Variants in ADISSP observed in about 807,000 individuals in gnomAD.
The protein encoded by ADISSP is adipose-secreted signaling protein.
chr20:3,760,553 G>A, the ADISSP span, among the ~76,000 whole-genome samples: 1 of 151,476 alleles, frequency 6.6e-6, no homozygotes, highest in Non-Finnish European at 1.5e-5. Flanking sequence ...CAGTTCTGGT[G>A]CTGCTGACCC....
At chr20:3,760,004 T>C in the ADISSP span, 1 of 1,607,362 alleles carries the variant, frequency 6.2e-7, no homozygotes, top group Non-Finnish European at 8.5e-7. Context: ...GTGCGGGCCC[T>C]ACCTGCAGCA....
the ADISSP span, among the ~76,000 whole-genome samples, chr20:3,758,867 C>T: frequency 1.3e-5 from 2 of 152,188 alleles, no homozygotes; most frequent in African/African-American, 4.8e-5. This position sits in a 1 kb window ranked among gnomAD's most constrained non-coding sequence, Gnocchi z 5.5. Context: ...ACCTGCCCCT[C>T]CCACAAAAAT....
the ADISSP span, among the ~76,000 whole-genome samples, chr20:3,760,557 CT>C: frequency 0.053 from 8,118 of 152,312 alleles, 294 homozygotes; most frequent in East Asian, 0.12. Flanking sequence ...TCTGGTGCTG[CT>C]GACCCCAAAG....
At chr20:3,756,719 A>G in the ADISSP span, among the ~76,000 whole-genome samples, 2 of 152,190 alleles carry the variant, frequency 1.3e-5, no homozygotes. Context: ...CAGGGGTACT[A>G]CTTATAGAAT....
the ADISSP span, chr20:3,754,352 C>T: frequency 1.9e-6 from 3 of 1,599,104 alleles, no homozygotes; most frequent in South Asian, 1.1e-5. Flanking sequence ...CCCTCGCAGT[C>T]GAGCTTGTGC....
At chr20:3,758,449 C>T in the ADISSP span, 412 of 1,295,882 alleles carry the variant, frequency 3.2e-4, 1 homozygote, top group Middle Eastern at 1.2e-3. The surrounding 1 kb of genome is among the most constrained non-coding windows in gnomAD (Gnocchi z 5.5). Context: ...CCTATAAGCC[C>T]GGCTGAGAGG....
chr20:3,754,220 A>C, the ADISSP span: 4 of 1,528,326 alleles, frequency 2.6e-6, no homozygotes, highest in East Asian at 2.3e-5. Flanking sequence ...GCGGCCCACT[A>C]AGGGGACCCC....
the ADISSP span, among the ~76,000 whole-genome samples, chr20:3,763,332 C>T: frequency 2.1e-5 from 3 of 141,474 alleles, no homozygotes; most frequent in Non-Finnish European, 3.0e-5. Context: ...CTGAGGCGGG[C>T]GGATCACCTG....
At chr20:3,758,945 G>A in the ADISSP span, among the ~76,000 whole-genome samples, 1 of 152,152 alleles carries the variant, frequency 6.6e-6, no homozygotes, top group Non-Finnish European at 1.5e-5. The surrounding 1 kb of genome is among the most constrained non-coding windows in gnomAD (Gnocchi z 5.5). Flanking sequence ...TGGAGGGGGT[G>A]GGGCTGGTGC....
the ADISSP span, among the ~76,000 whole-genome samples, chr20:3,758,870 A>T: frequency 2.0e-5 from 3 of 151,984 alleles, no homozygotes. The surrounding 1 kb of genome is among the most constrained non-coding windows in gnomAD (Gnocchi z 5.5). Context: ...TGCCCCTCCC[A>T]CAAAAATCCA....
At chr20:3,759,665 C>G in the ADISSP span, among the ~76,000 whole-genome samples, 6 of 152,126 alleles carry the variant, frequency 3.9e-5, no homozygotes, top group African/African-American at 1.4e-4. This position sits in a 1 kb window ranked among gnomAD's most constrained non-coding sequence, Gnocchi z 4.6. Context: ...CAAATCTCAC[C>G]AGATCACCCT....
the ADISSP span, among the ~76,000 whole-genome samples, chr20:3,759,255 TCACTG>T: frequency 2.0e-5 from 3 of 152,042 alleles, no homozygotes; most frequent in African/African-American, 7.2e-5. This position sits in a 1 kb window ranked among gnomAD's most constrained non-coding sequence, Gnocchi z 4.6. Flanking sequence ...CCAGTAAACC[TCACTG>T]GCCCCTGGCA....
chr20:3,759,567 C>A, the ADISSP span, among the ~76,000 whole-genome samples: 3 of 152,128 alleles, frequency 2.0e-5, no homozygotes, highest in Non-Finnish European at 4.4e-5. This position sits in a 1 kb window ranked among gnomAD's most constrained non-coding sequence, Gnocchi z 4.6. Flanking sequence ...AGGACCTGAT[C>A]CAGCTTTGAG....
chr20:3,762,981 C>T, the ADISSP span, among the ~76,000 whole-genome samples: 1 of 152,154 alleles, frequency 6.6e-6, no homozygotes, highest in Non-Finnish European at 1.5e-5. Context: ...GGGTGCCGGG[C>T]GCTGCGGCTC....
the ADISSP span, chr20:3,760,171 G>A: frequency 2.3e-6 from 3 of 1,279,332 alleles, no homozygotes; most frequent in Non-Finnish European, 3.4e-6. Flanking sequence ...CATGCTCCAG[G>A]GACACCAGCG....
the ADISSP span, chr20:3,754,209 T>C: frequency 6.4e-7 from 1 of 1,560,954 alleles, no homozygotes; most frequent in Non-Finnish European, 8.8e-7. Context: ...GCCCCACCCA[T>C]GCGGCCCACT....
At chr20:3,757,883 C>G in the ADISSP span, among the ~76,000 whole-genome samples, 1 of 152,112 alleles carries the variant, frequency 6.6e-6, no homozygotes, top group Non-Finnish European at 1.5e-5. Context: ...ACCCCCCACT[C>G]AGGGCCATCT....
the ADISSP span, chr20:3,760,278 C>G: frequency 2.0e-5 from 12 of 597,392 alleles, no homozygotes; most frequent in Non-Finnish European, 3.3e-5. Flanking sequence ...AGGAAGGACT[C>G]AAACCCCTAC....
At chr20:3,757,342 G>A in the ADISSP span, among the ~76,000 whole-genome samples, 123 of 151,716 alleles carry the variant, frequency 8.1e-4, 2 homozygotes, top group African/African-American at 2.7e-3. Context: ...GCAAGACTCC[G>A]TCTCAAAAAG....
Sources: allele counts gnomAD v4.1 joint callset (sites outside exome capture counted in the v4.1 genomes callset), GRCh38; gene constraint gnomAD v4.1.1; non-coding constraint Gnocchi (gnomAD v3.1); transcripts MANE v1.5; gene names NCBI Gene and HGNC (gene_info 2026-07-23, HGNC 2026-07-21).